The following PTPRS variants were observed in gnomAD, a reference collection of about 807,000 sequenced individuals.
PTPRS encodes the protein receptor-type tyrosine-protein phosphatase S.
A neutral mutation model predicts 215.3 loss-of-function variants in PTPRS; 63 were observed. The ratio of observed to expected loss-of-function variants is 0.29; its 90% CI spans 0.24 to 0.36. The LOEUF is 0.36. Ranked by LOEUF, PTPRS falls within the 10% of genes least tolerant of loss-of-function variation. The probability of loss-of-function intolerance (pLI) is 1.00; values close to 1 mark genes in which losing one functional copy is unlikely to be tolerated. For synonymous variants in PTPRS, 1,404 were observed against 1,191.4 expected (o/e 1.18, Z -3.68); for missense variants, 2,258 against 2,825.8 (o/e 0.80, Z 4.56).
rs137923966 is a variant in PTPRS, at chr19:5,263,100, A to G, written c.569-128T>C. 1,422 of 768,170 alleles carry G rather than the reference A, an allele frequency of 1.9e-3. 27 individuals carry two copies. The highest frequency in any genetic ancestry group is 0.014 in the South Asian group (844 of 61,258). 47.6% of individuals were successfully genotyped at this position (768,170 alleles called of 1,614,324 possible). ...GAGGGGGACGCTCAGAATAATAATA[A>G]CAACATTTCTTATGATTCCTAAAGT... is the stretch of plus-strand genomic sequence containing the variant. On this transcript the variant is annotated intron_variant, in intron 5 of 37. Transcript: ENST00000262963.
At position 5,212,560 on chromosome 19, in the gene PTPRS, G is replaced by A. The variant is rs369708235; in HGVS notation, c.4615-69C>T. ...CCACCCATGTGCTGAAGATGCCCAA[G>A]TGGCCGGGTGTGGTGGCTCATGCCT... On this transcript the variant is annotated intron_variant, in intron 30 of 37. Transcript: ENST00000262963. 450 of 1,508,570 alleles carry A rather than the reference G, an allele frequency of 3.0e-4. 2 individuals are homozygous for A. Among genetic ancestry groups the A allele is most frequent in the Middle Eastern group, 2.4e-3 (14 of 5,788 alleles). The allele number at this position is 1,508,570 out of a possible 1,614,324, so 93.4% of individuals were successfully genotyped here. A position where few individuals can be genotyped will look rare whatever the true frequency, so the allele number is the denominator to read the frequency against.
intron 4 of PTPRS, among the ~76,000 whole-genome samples, chr19:5,265,982 G>A (rs995969432): frequency 2.6e-5 from 4 of 152,086 alleles, no homozygotes; most frequent in Non-Finnish European, 5.9e-5. Context: ...TAAATCAGCT[G>A]GACGCGGTGG....
chr19:5,303,262 G>A lies in PTPRS; in HGVS notation c.-94-17028C>T, dbSNP rs575367692. ...TGGTGCCCGGGGCTGATTTTTGTGG[G>A]TCTGAAGTCTGTAAAGATCAAGGAA... On this transcript the variant is annotated intron_variant, in intron 1 of 37. Transcript: ENST00000262963. Among the ~76,000 whole-genome samples, 4 of 152,250 alleles carry A rather than the reference G, an allele frequency of 2.6e-5. No homozygotes were observed. In the East Asian group the frequency reaches 7.7e-4, roughly 29 times the overall value.
intron 7 of PTPRS, 38 bp downstream of exon 7, chr19:5,260,767 G>A (rs776159304): frequency 9.3e-6 from 15 of 1,612,850 alleles, no homozygotes; most frequent in Non-Finnish European, 1.2e-5. Flanking sequence ...GGCAGCAAGA[G>A]CGAGCGTGAG....
At chr19:5,288,009 C>CAA (rs1320168208) in intron 1 of PTPRS, among the ~76,000 whole-genome samples, 4 of 127,314 alleles carry the variant, frequency 3.1e-5, no homozygotes, top group Non-Finnish European at 6.8e-5. Context: ...CACACACACA[C>CAA]AATCAGGCAA....
At chr19:5,315,059 G>A (rs1214796420) in intron 1 of PTPRS, among the ~76,000 whole-genome samples, 7 of 152,118 alleles carry the variant, frequency 4.6e-5, no homozygotes, top group African/African-American at 1.7e-4. Flanking sequence ...GACCTTGTGT[G>A]GGAAGCTTTT....
chr19:5,293,356 G>A lies in PTPRS; in HGVS notation c.-94-7122C>T, dbSNP rs922353208. 3 of 151,788 alleles carry A rather than the reference G, an allele frequency of 2.0e-5. No individual in the cohort carries two copies. Among genetic ancestry groups the A allele is most frequent in the African/African-American group, 7.2e-5 (3 of 41,428 alleles). The allele number at this position is 151,788 out of a possible 1,614,324, so 9.4% of individuals were successfully genotyped here. A position where few individuals can be genotyped will look rare whatever the true frequency, so the allele number is the denominator to read the frequency against. ...GGCTGCAGGGGACGGGCCCCGAGGA[G>A]GGGGATTGGGGGGCAGGGCGGGGCC... On this transcript the variant is annotated intron_variant, in intron 1 of 37. Transcript: ENST00000262963. This position sits in a 1 kb window ranked among gnomAD's most constrained non-coding sequence, Gnocchi z 8.4.
chr19:5,249,503 T>G (rs1482513281), intron 9 of PTPRS, among the ~76,000 whole-genome samples: 2 of 152,162 alleles, frequency 1.3e-5, no homozygotes, highest in Non-Finnish European at 2.9e-5. Flanking sequence ...AAGGAAGTAG[T>G]GTAGCCAGAG....
intron 33 of PTPRS, among the ~76,000 whole-genome samples, chr19:5,211,058 T>C (rs1461889332): frequency 6.6e-6 from 1 of 152,234 alleles, no homozygotes. Context: ...CCTCTCCTGA[T>C]TTCTTCCCTC....
intron 14 of PTPRS, among the ~76,000 whole-genome samples, chr19:5,230,916 G>A (rs151253391): frequency 6.6e-6 from 1 of 152,300 alleles, no homozygotes; most frequent in African/African-American, 2.4e-5. Flanking sequence ...TTACACCATG[G>A]AAATTGGCCA....
intron 2 of PTPRS, among the ~76,000 whole-genome samples, chr19:5,282,637 T>C (rs1485229293): frequency 6.6e-6 from 1 of 151,952 alleles, no homozygotes; most frequent in Non-Finnish European, 1.5e-5. Context: ...ACCCCATCTC[T>C]ACCAAAAATA....
rs1410080119 is a variant in PTPRS at position 5,222,863 on chromosome 19, G to T, written c.2929C>A (p.Pro977Thr). The T allele has an allele frequency of 6.3e-7, 1 of 1,586,960 alleles. No homozygotes were observed. Among genetic ancestry groups the T allele is most frequent in the South Asian group, 1.1e-5 (1 of 89,836 alleles). Residue 977 changes from proline to threonine, a missense_variant, in exon 18 of 38, where the codon CCT (proline) becomes ACT (threonine). By Grantham distance (38) the Pro-to-Thr change is conservative. Coordinates refer to ENST00000262963, the MANE Select transcript of PTPRS (RefSeq NM_002850.4). ...VAVREAGALGPARETELPAAA... is the reference protein window; with the variant it reads ...VAVREAGALGTARETELPAAA... ...GCCGGCAGCTCAGTCTCTCGGGCAGGGCCCAGGGCACCGGCCTCCCGCACG... is the reference window on the plus strand; with the variant it reads ...GCCGGCAGCTCAGTCTCTCGGGCAGTGCCCAGGGCACCGGCCTCCCGCACG...
At chr19:5,238,512 G>A (rs376358110) in intron 13 of PTPRS, among the ~76,000 whole-genome samples, 10 of 152,288 alleles carry the variant, frequency 6.6e-5, no homozygotes, top group South Asian at 4.1e-4. Flanking sequence ...GGTGCGAGCC[G>A]TGACCACAGC....
At chr19:5,261,116 A>AG (rs944549853) in intron 6 of PTPRS, among the ~76,000 whole-genome samples, 1 of 151,958 alleles carries the variant, frequency 6.6e-6, no homozygotes, top group African/African-American at 2.4e-5. Flanking sequence ...TGGATGGGTG[A>AG]GGGGCGTCTC....
At chr19:5,228,179 G>C (rs551453954) in intron 16 of PTPRS, among the ~76,000 whole-genome samples, 39 of 151,096 alleles carry the variant, frequency 2.6e-4, no homozygotes, top group African/African-American at 9.5e-4. Flanking sequence ...CTGTTTGTTT[G>C]TTTATTAGAG....
At chr19:5,296,282 G>A (rs774908858) in intron 1 of PTPRS, among the ~76,000 whole-genome samples, 19 of 152,112 alleles carry the variant, frequency 1.2e-4, no homozygotes, top group Non-Finnish European at 1.9e-4. Context: ...AGGGAGGATC[G>A]CCTGAGGCCA....
intron 35 of PTPRS, among the ~76,000 whole-genome samples, chr19:5,209,575 C>G (rs2040674193): frequency 6.6e-6 from 1 of 152,194 alleles, no homozygotes; most frequent in Non-Finnish European, 1.5e-5. Flanking sequence ...ATACCATTGA[C>G]TATTGTTTAC....
chr19:5,219,013 G>A (rs2041742351), intron 23 of PTPRS: 1 of 635,012 alleles, frequency 1.6e-6, no homozygotes. Context: ...TGTGCCCCAT[G>A]GGGCCACTAC....
chr19:5,239,861 G>A (rs1240893731), intron 12 of PTPRS, among the ~76,000 whole-genome samples: 1 of 152,106 alleles, frequency 6.6e-6, no homozygotes, highest in Non-Finnish European at 1.5e-5. Flanking sequence ...TAAACAGACA[G>A]AAACAGACCC....
Sources: allele counts gnomAD v4.1 joint callset (sites outside exome capture counted in the v4.1 genomes callset), GRCh38; gene constraint gnomAD v4.1.1; non-coding constraint Gnocchi (gnomAD v3.1); transcripts MANE v1.5; gene names NCBI Gene and HGNC (gene_info 2026-07-23, HGNC 2026-07-21).